The following COP1 variants were observed in gnomAD, a reference collection of about 807,000 sequenced individuals.
The protein encoded by COP1 is E3 ubiquitin-protein ligase COP1.
COP1 carries 24 observed loss-of-function variants against 101.3 expected under a neutral mutation model. The ratio of observed to expected loss-of-function variants is 0.24; its 90% CI spans 0.17 to 0.33. The LOEUF (loss-of-function observed/expected upper bound fraction) is 0.33. COP1 is among the 10% of genes least tolerant of loss of function. The probability of loss-of-function intolerance (pLI) is 1.00; values close to 1 mark genes in which losing one functional copy is unlikely to be tolerated. For synonymous variants in COP1, 347 were observed against 341.9 expected, an observed-to-expected ratio of 1.01 and a Z score of -0.17; for missense variants, 663 against 906.2, an observed-to-expected ratio of 0.73 and a Z score of 3.45.
chr1:176,085,122 T>C (rs1679902734), intron 10 of COP1, among the ~76,000 whole-genome samples: 1 of 152,180 alleles, frequency 6.6e-6, no homozygotes, highest in African/African-American at 2.4e-5. Context: ...TCTTTGCATA[T>C]GTTATTTCCT....
chr1:176,185,425 C>T (rs1214583726), intron 1 of COP1, among the ~76,000 whole-genome samples: 2 of 152,016 alleles, frequency 1.3e-5, no homozygotes. Context: ...CAATTGTAAT[C>T]CTCTTCTGCC....
At chr1:176,070,023 G>A (rs918466489) in intron 11 of COP1, among the ~76,000 whole-genome samples, 1 of 152,054 alleles carries the variant, frequency 6.6e-6, no homozygotes, top group African/African-American at 2.4e-5. Context: ...CAAATTCACA[G>A]CCCTCACCTC....
chr1:176,037,168 C>T (rs911753995), intron 14 of COP1, among the ~76,000 whole-genome samples: 1 of 152,030 alleles, frequency 6.6e-6, no homozygotes, highest in Admixed American at 6.6e-5. Flanking sequence ...TTTGGGAGGC[C>T]GAGGCAGGCG....
intron 15 of COP1, among the ~76,000 whole-genome samples, chr1:176,007,215 C>G (rs375233811): frequency 6.6e-6 from 1 of 152,126 alleles, no homozygotes; most frequent in East Asian, 1.9e-4. Flanking sequence ...AAGCACTTCT[C>G]TATATTGGTT....
intron 15 of COP1, among the ~76,000 whole-genome samples, chr1:176,016,141 T>A (rs962290348): frequency 1.3e-5 from 2 of 152,120 alleles, no homozygotes; most frequent in African/African-American, 4.8e-5. Context: ...AGAATAGAAA[T>A]GTCTGGAGTT....
rs76612520 is a variant in COP1, at chr1:176,185,776, C to G, written c.408-1084G>C. Among the ~76,000 whole-genome samples the G allele has an allele frequency of 2.8e-3, 419 of 152,298 alleles. 1 individual carries two copies. Among genetic ancestry groups the G allele is most frequent in the African/African-American group, 9.7e-3 (402 of 41,566 alleles). Reference sequence around the variant, plus strand: ...GCTTTGGATTGTCTCCGCTGGACTTCACATTACATGAGAAGGTAAATCTTG... The same window carrying G: ...GCTTTGGATTGTCTCCGCTGGACTTGACATTACATGAGAAGGTAAATCTTG... On this transcript the variant is annotated intron_variant, in intron 1 of 19. Transcript: ENST00000367669.
rs192767863 is a variant in COP1, at chr1:176,142,494, G to T, written c.832-5947C>A. 3.0e-3 allele frequency among the ~76,000 whole-genome samples: 455 copies of T among 152,160 alleles called. 2 individuals carry two copies. The highest frequency in any genetic ancestry group is 0.01 in the African/African-American group (428 of 41,542). ...AATTCACCTAAAAGATAATGAGACA[G>T]TAATAGGTATAACAAGGAAAGGAAG... On this transcript the variant is annotated intron_variant, in intron 6 of 19. Transcript: ENST00000367669.
chr1:176,036,462 T>G (rs967682058), intron 14 of COP1, among the ~76,000 whole-genome samples: 4 of 145,360 alleles, frequency 2.8e-5, no homozygotes, highest in African/African-American at 1.0e-4. Flanking sequence ...AGACAGAAGA[T>G]GACTTCATCA....
In COP1 at chr1:176,163,839, T is replaced by C; in HGVS notation, c.618A>G (p.Lys206=). The C allele has an allele frequency of 6.2e-7, 1 of 1,606,838 alleles. No individual in the cohort carries two copies. Among genetic ancestry groups the C allele is most frequent in the Non-Finnish European group, 8.5e-7 (1 of 1,175,020 alleles). The change falls in exon 4 of 20, where the codon AAA becomes AAG. Residue 206 remains lysine (K), a synonymous_variant. Transcript: ENST00000367669. Reference sequence around the variant, plus strand: ...CGGTGCTACTCACTGAGTGGTCCAATTTGAACCTCTTTTCCTCAAATCTTT... The same window carrying C: ...CGGTGCTACTCACTGAGTGGTCCAACTTGAACCTCTTTTCCTCAAATCTTT... ...QKQRFEEKRF[K]LDHSVSSTNG... is the part of the protein sequence containing the mutation.
intron 11 of COP1, among the ~76,000 whole-genome samples, chr1:176,067,790 T>C (rs1459648306): frequency 6.6e-6 from 1 of 152,200 alleles, no homozygotes; most frequent in Non-Finnish European, 1.5e-5. Context: ...CACCTACAGA[T>C]GGCAAAACCA....
intron 11 of COP1, among the ~76,000 whole-genome samples, chr1:176,059,316 G>C (rs1320931311): frequency 6.6e-6 from 1 of 152,128 alleles, no homozygotes; most frequent in Non-Finnish European, 1.5e-5. Flanking sequence ...AATAAAACAA[G>C]TGAGTCATTA....
intron 1 of COP1, 95 bp downstream of exon 1, chr1:176,206,477 C>T (rs1414801537): frequency 1.4e-6 from 2 of 1,467,104 alleles, no homozygotes; most frequent in Non-Finnish European, 1.9e-6. Flanking sequence ...CCAAGCTCTC[C>T]AACAAGCCAC....
In COP1 at chr1:176,173,199, T is replaced by A. The variant is rs138545182; in HGVS notation, c.565+2711A>T. 2.6e-3 allele frequency among the ~76,000 whole-genome samples: 399 copies of A among 151,622 alleles called. 3 individuals are homozygous for A. Among genetic ancestry groups the A allele is most frequent in the African/African-American group, 9.2e-3 (381 of 41,322 alleles). On this transcript the variant is annotated intron_variant, in intron 3 of 19. Coordinates refer to ENST00000367669, the MANE Select transcript of COP1 (RefSeq NM_022457.7). ...GGTAGTGTGCACCTATAATCCCAGC[T>A]ACTAGGGAGGCTGAGGCAGGAGAAT... is the stretch of plus-strand genomic sequence containing the variant.
At chr1:176,192,467 T>C (rs747590286) in intron 1 of COP1, among the ~76,000 whole-genome samples, 1 of 152,154 alleles carries the variant, frequency 6.6e-6, no homozygotes, top group Non-Finnish European at 1.5e-5. Flanking sequence ...CCGCTTACAA[T>C]ATACAGCCCC....
intron 11 of COP1, among the ~76,000 whole-genome samples, chr1:176,049,121 G>A (rs1298522690): frequency 6.8e-6 from 1 of 147,844 alleles, no homozygotes; most frequent in Non-Finnish European, 1.5e-5. Flanking sequence ...GCAGTGAGCC[G>A]AGATTGCGCC....
At chr1:175,995,980 T>C (rs1374513558) in intron 15 of COP1, among the ~76,000 whole-genome samples, 1 of 152,146 alleles carries the variant, frequency 6.6e-6, no homozygotes, top group South Asian at 2.1e-4. Context: ...TTGATGAACA[T>C]TGATGCAAAA....
chr1:176,201,292 G>A (rs1190875319), intron 1 of COP1, among the ~76,000 whole-genome samples: 2 of 152,088 alleles, frequency 1.3e-5, no homozygotes, highest in South Asian at 4.1e-4. Flanking sequence ...GGAAAAAGAC[G>A]ATGGGCTAAT....
chr1:175,974,900 GT>G (rs1654127325), intron 18 of COP1, among the ~76,000 whole-genome samples: 2 of 142,602 alleles, frequency 1.4e-5, no homozygotes, highest in Admixed American at 1.4e-4. Flanking sequence ...TACAGCCTAG[GT>G]GACAGACCAA....
chr1:176,173,323 T>TG (rs1491457447), intron 3 of COP1, among the ~76,000 whole-genome samples: 137 of 7,196 alleles, frequency 0.019, 1 homozygote, highest in African/African-American at 0.036. Flanking sequence ...AAAAACAAAA[T>TG]GAAAAAAAAA....
Sources: gnomAD v4.1 joint callset for allele counts (sites outside exome capture counted in the v4.1 genomes callset) on GRCh38, gnomAD v4.1.1 for gene constraint, MANE v1.5 for transcripts, NCBI Gene and HGNC (gene_info 2026-07-23, HGNC 2026-07-21) for gene names.